The following COCH variants were observed in gnomAD, a reference collection of about 807,000 sequenced individuals.
COCH encodes the protein cochlin, also known as coagulation factor C homolog, cochlin (Limulus polyphemus).
A neutral mutation model predicts 54.8 loss-of-function variants in COCH; 40 were observed. The ratio of observed to expected loss-of-function variants is 0.73; its 90% CI spans 0.57 to 0.95. The LOEUF (loss-of-function observed/expected upper bound fraction) is 0.95. Among genes scored for constraint, COCH ranks in the 40% least tolerant of loss-of-function variants. The pLI is 0.00. For synonymous variants in COCH, 256 were observed against 237.9 expected (o/e 1.08, Z -0.70); for missense variants, 605 against 675.0 (o/e 0.90, Z 1.15).
chr14:30,876,491 G>T (rs1895360106), intron 3 of COCH: 1 of 152,206 alleles, frequency 6.6e-6, no homozygotes, highest in Non-Finnish European at 1.5e-5. Flanking sequence ...TCTGTTTTCT[G>T]TCCTTCGGGA....
chr14:30,875,262 G>A, intron 3 of COCH, 159 bp downstream of exon 3: 2 of 1,004,262 alleles, frequency 2.0e-6, no homozygotes, highest in Non-Finnish European at 2.9e-6. Flanking sequence ...GTTAACCCCT[G>A]CAGCCGATCT....
At chr14:30,884,688 T>C (rs750985802) in intron 9 of COCH, 32 bp downstream of exon 9, 2 of 1,470,588 alleles carry the variant, frequency 1.4e-6, no homozygotes, top group Non-Finnish European at 1.9e-6. Flanking sequence ...GGATGTAACA[T>C]AGGAGAGGGT....
intron 11 of COCH, 61 bp downstream of exon 11, chr14:30,886,373 G>A (rs1895793647): frequency 6.4e-7 from 1 of 1,572,846 alleles, no homozygotes; most frequent in Non-Finnish European, 8.7e-7. Flanking sequence ...GAATTTAGGA[G>A]TAAATAAAAA....
chr14:30,875,462 C>T (rs1895324143), intron 3 of COCH: 1 of 560,500 alleles, frequency 1.8e-6, no homozygotes, highest in Admixed American at 3.3e-5. Flanking sequence ...GCGCACCAGT[C>T]CTGGGCTCTG....
intron 3 of COCH, chr14:30,876,291 T>G (rs569604756): frequency 6.6e-6 from 1 of 152,346 alleles, no homozygotes; most frequent in Admixed American, 6.5e-5. Flanking sequence ...TGCCAAGAGC[T>G]TGTCTCTTCC....
intron 6 of COCH, 35 bp from the exon 7 acceptor site, chr14:30,880,417 C>T (rs1895530922): frequency 6.2e-7 from 1 of 1,611,828 alleles, no homozygotes; most frequent in Non-Finnish European, 8.5e-7. Flanking sequence ...TAACTGTCTT[C>T]CTTTTGTTAA....
intron 3 of COCH, chr14:30,875,418 C>T (rs373344900): frequency 2.9e-5 from 17 of 596,252 alleles, no homozygotes; most frequent in African/African-American, 2.4e-4. Flanking sequence ...AGCAGGAGGT[C>T]GAGGAAGGAG....
At chr14:30,891,937 T>C (rs967375702), downstream of COCH, among the ~76,000 whole-genome samples, 6 of 152,228 alleles carry the variant, frequency 3.9e-5, no homozygotes, top group Non-Finnish European at 7.3e-5. Context: ...CAAACATGCT[T>C]AGATTTCAAA....
chr14:30,876,665 T>C (rs1339215801), intron 3 of COCH: 1 of 152,204 alleles, frequency 6.6e-6, no homozygotes, highest in African/African-American at 2.4e-5. Flanking sequence ...CTAGGATAAA[T>C]GGTCCTATGA....
At position 30,880,508 on chromosome 14, in the gene COCH, GA is replaced by G. The variant is rs1345452744; in HGVS notation, c.481+13del. On this transcript the variant is annotated intron_variant, in intron 7 of 11. Transcript: ENST00000396618. ...AACTGGCAATAAAGGTAAGAATCAA[GA>G]TCTCCATTTGGGAAGGTAGCATTTT... The G allele has an allele frequency of 6.2e-7, 1 of 1,614,030 alleles. No individual in the cohort carries two copies. The highest frequency in any genetic ancestry group is 2.2e-5 in the East Asian group (1 of 44,888).
At chr14:30,875,612 C>T in intron 3 of COCH, 1 of 342,400 alleles carries the variant, frequency 2.9e-6, no homozygotes, top group East Asian at 5.0e-5. Context: ...TAATCAGAAG[C>T]ACTCGCGGTC....
intron 3 of COCH, chr14:30,875,534 A>G (rs1895327848): frequency 6.0e-6 from 3 of 497,460 alleles, no homozygotes; most frequent in South Asian, 4.1e-5. Flanking sequence ...TAGCCGAGAG[A>G]GAGGGAGGCG....
Position 30,874,602 on chromosome 14 carries a change from C to T in COCH, c.-24+11C>T, listed in dbSNP as rs947900377. 1.6e-5 allele frequency: 8 copies of T among 491,964 alleles called. No individual in the cohort carries two copies. The highest frequency in any genetic ancestry group is 9.9e-5 in the African/African-American group (5 of 50,490). The allele number at this position is 491,964 out of a possible 1,614,324, so 30.5% of individuals were successfully genotyped here. ...GTGGATCTCGAGCAGGTGCGGAGCCCCGGGCGGCGGGCGCGGGTGCGAGGG... is the reference window on the plus strand; with the variant it reads ...GTGGATCTCGAGCAGGTGCGGAGCCTCGGGCGGCGGGCGCGGGTGCGAGGG... On this transcript the variant is annotated intron_variant, in intron 1 of 11. Transcript: ENST00000396618.
chr14:30,877,644 G>A lies in COCH; in HGVS notation c.155G>A (p.Gly52Glu), dbSNP rs770686759. The A allele has an allele frequency of 1.2e-5, 20 of 1,614,186 alleles. No homozygotes were observed. In the South Asian group the frequency reaches 2.1e-4, roughly 17 times the overall value. ...RKEKADVLCP[G>E]GCPLEEFSVY... ...GAGAAAGCAGATGTCCTCTGCCCAG[G>A]GGGCTGCCCTCTTGAGGAATTCTCT... The change falls in exon 4 of 12, where the codon GGG becomes GAG. Residue 52 changes from glycine to glutamate, a missense_variant. Gly to Glu is a moderately conservative substitution (Grantham distance 98, BLOSUM62 -2). Transcript: ENST00000396618. The surrounding 1 kb of genome is among the most constrained non-coding windows in gnomAD (Gnocchi z 8.6).
chr14:30,893,774 G>C (rs1896055884), downstream of COCH: 3 of 152,494 alleles, frequency 2.0e-5, no homozygotes, highest in South Asian at 6.2e-4. Context: ...TGAAAGAACA[G>C]CATAAAAATG....
Position 30,885,917 on chromosome 14 carries a change from C to G in COCH, c.1082C>G (p.Thr361Ser). The G allele has an allele frequency of 6.2e-7, 1 of 1,614,156 alleles. No individual in the cohort carries two copies. Among genetic ancestry groups the G allele is most frequent in the Non-Finnish European group, 8.5e-7 (1 of 1,180,022 alleles). The change falls in exon 11 of 12, where the codon ACC becomes AGC. Residue 361 changes from threonine (T) to serine (S), a missense_variant. By Grantham distance (58) the Thr-to-Ser change is moderately conservative. Transcript: ENST00000396618. ...CTHEQMMCSK[T>S]CYNSVNIAFL... is the part of the protein sequence containing the mutation. ...CATGAACAAATGATGTGCAGCAAGA[C>G]CTGTTATAACTCAGTGAACATTGCC...
chr14:30,888,867 C>A (rs1895885002), intron 11 of COCH, among the ~76,000 whole-genome samples: 1 of 151,734 alleles, frequency 6.6e-6, no homozygotes, highest in African/African-American at 2.4e-5. Flanking sequence ...GTATTATTAC[C>A]CTAAATGTAC....
At chr14:30,881,793 C>T (rs911039522) in intron 8 of COCH, among the ~76,000 whole-genome samples, 1 of 145,712 alleles carries the variant, frequency 6.9e-6, no homozygotes, top group African/African-American at 2.6e-5. Flanking sequence ...CCCGTCTCTA[C>T]TAAAAATACA....
At chr14:30,886,411 AC>A (rs1398668482) in intron 11 of COCH, 99 bp downstream of exon 11, 1 of 1,291,848 alleles carries the variant, frequency 7.7e-7, no homozygotes, top group African/African-American at 1.5e-5. Flanking sequence ...TTAAACAAAC[AC>A]CTGTGGCTTT....
Sources: gnomAD v4.1 joint callset for allele counts (sites outside exome capture counted in the v4.1 genomes callset) on GRCh38, gnomAD v4.1.1 for gene constraint, Gnocchi (gnomAD v3.1) non-coding constraint, MANE v1.5 for transcripts, NCBI Gene and HGNC (gene_info 2026-07-23, HGNC 2026-07-21) for gene names.